SLC12A1: variants seen among roughly 807,000 people sequenced by gnomAD.
SLC12A1 encodes Na-K-2Cl cotransporter.
SLC12A1 carries 89 observed loss-of-function variants against 130.4 expected under a neutral mutation model. The ratio of observed to expected loss-of-function variants is 0.68; its 90% CI spans 0.58 to 0.81. The LOEUF is 0.81. SLC12A1 is among the 40% of genes least tolerant of loss of function. The pLI is 0.00. For synonymous variants in SLC12A1, 499 were observed against 460.0 expected (o/e 1.08, Z -1.09); for missense variants, 1,310 against 1,336.4 (o/e 0.98, Z 0.31).
chr15:48,298,658 T>A (rs548310005), intron 24 of SLC12A1, among the ~76,000 whole-genome samples: 7 of 152,234 alleles, frequency 4.6e-5, no homozygotes. Context: ...CTGCCATGAG[T>A]GGGAGTTGCC....
intron 9 of SLC12A1, among the ~76,000 whole-genome samples, chr15:48,240,377 T>G (rs1441093364): frequency 6.6e-6 from 1 of 151,976 alleles, no homozygotes; most frequent in Non-Finnish European, 1.5e-5. Context: ...AGTATGTACA[T>G]GTCAGAACAA....
At chr15:48,289,292 T>C (rs1242948576) in intron 23 of SLC12A1, among the ~76,000 whole-genome samples, 33 of 150,722 alleles carry the variant, frequency 2.2e-4, no homozygotes, top group Admixed American at 2.2e-3. Context: ...GAGCCCTTCC[T>C]GGAACCAGCA....
At chr15:48,258,109 C>G (rs2041729146) in intron 16 of SLC12A1, among the ~76,000 whole-genome samples, 1 of 70,610 alleles carries the variant, frequency 1.4e-5, no homozygotes, top group Admixed American at 1.3e-4. Context: ...CGCCTGTAAT[C>G]CCAGCACTTT....
At chr15:48,301,288 C>T in intron 25 of SLC12A1, 27 bp from the exon 26 acceptor site, 1 of 1,530,674 alleles carries the variant, frequency 6.5e-7, no homozygotes, top group Non-Finnish European at 9.0e-7. Context: ...TAGAACTGTA[C>T]TCAACAAATC....
chr15:48,237,514 C>T (rs1045550988), intron 9 of SLC12A1, among the ~76,000 whole-genome samples: 2 of 152,150 alleles, frequency 1.3e-5, no homozygotes, highest in African/African-American at 4.8e-5. Context: ...GCAGCCTCTA[C>T]TGAGAAATCC....
Position 48,240,014 on chromosome 15 carries a change from TATATATATATATATCC to T in SLC12A1, c.1216-1486_1216-1471del, listed in dbSNP as rs1345025659. Among the ~76,000 whole-genome samples, 603 of 84,522 alleles carry T rather than the reference TATATATATATATATCC, an allele frequency of 7.1e-3. 27 individuals carry two copies. The highest frequency in any genetic ancestry group is 0.026 in the African/African-American group (575 of 21,704). The allele number at this position is 84,522 out of a possible 152,430, so 55.4% of individuals were successfully genotyped here. A position where few individuals can be genotyped will look rare whatever the true frequency, so the allele number is the denominator to read the frequency against. On this transcript the variant is annotated intron_variant, in intron 9 of 26. Coordinates refer to ENST00000380993, the MANE Select transcript of SLC12A1 (RefSeq NM_000338.3). ...TCCATCTTCACATCTGTTATCCATATATATATATATATATCCATATATATATATATATATCCATATA... is the reference window on the plus strand; with the variant it reads ...TCCATCTTCACATCTGTTATCCATATATATATATATATATATATCCATATA...
chr15:48,256,731 T>C (rs539553601), intron 16 of SLC12A1, among the ~76,000 whole-genome samples: 1 of 151,112 alleles, frequency 6.6e-6, no homozygotes, highest in Non-Finnish European at 1.5e-5. Flanking sequence ...TCCCACTGGG[T>C]CCCTCCCACA....
intron 4 of SLC12A1, chr15:48,224,600 T>C (rs1249412332): frequency 1.3e-5 from 2 of 152,202 alleles, no homozygotes; most frequent in Non-Finnish European, 1.5e-5. Flanking sequence ...GCAAAGCTTG[T>C]TGTGTAGATG....
chr15:48,267,604 C>G lies in SLC12A1; in HGVS notation c.2198C>G (p.Ala733Gly). ...LCVKEMNSGM[A>G]KKQAWLIKNK... ...GTTAAGGAGATGAACAGTGGCATGG[C>G]GAAAAAACAGGCCTGGCTTATAAAG... Residue 733 changes from alanine to glycine, a missense_variant, in exon 18 of 27, where the codon GCG becomes GGG. Physicochemically the swap from Ala to Gly is moderately conservative, Grantham distance 60. Coordinates refer to ENST00000380993, the MANE Select transcript of SLC12A1 (RefSeq NM_000338.3). 6.2e-7 allele frequency: 1 copy of G among 1,613,392 alleles called. No individual in the cohort carries two copies. Among genetic ancestry groups the G allele is most frequent in the Non-Finnish European group, 8.5e-7 (1 of 1,179,552 alleles).
At chr15:48,231,644 G>A (rs2041379855) in intron 7 of SLC12A1, among the ~76,000 whole-genome samples, 1 of 152,076 alleles carries the variant, frequency 6.6e-6, no homozygotes, top group African/African-American at 2.4e-5. Flanking sequence ...TTTGTTGGTG[G>A]TATTATTTAC....
intron 13 of SLC12A1, among the ~76,000 whole-genome samples, chr15:48,249,131 A>G (rs2041618289): frequency 6.6e-6 from 1 of 152,208 alleles, no homozygotes; most frequent in Non-Finnish European, 1.5e-5. Flanking sequence ...AGAGTCCTGA[A>G]AATCAGAGAA....
chr15:48,226,415 C>A, intron 4 of SLC12A1, 61 bp from the exon 5 acceptor site: 1 of 1,036,294 alleles, frequency 9.6e-7, no homozygotes, highest in Non-Finnish European at 1.5e-6. Flanking sequence ...TAGTTTGCAG[C>A]AATAGGGAAT....
At chr15:48,233,825 T>C (rs1441911304) in intron 8 of SLC12A1, among the ~76,000 whole-genome samples, 3 of 152,184 alleles carry the variant, frequency 2.0e-5, no homozygotes, top group Admixed American at 2.0e-4. Flanking sequence ...TACCATATTT[T>C]TTCTTTAAGC....
At chr15:48,276,926 T>C (rs1430368607) in intron 20 of SLC12A1, among the ~76,000 whole-genome samples, 1 of 152,202 alleles carries the variant, frequency 6.6e-6, no homozygotes, top group Non-Finnish European at 1.5e-5. Context: ...AGCAGAAATG[T>C]ACAGTAAGAT....
chr15:48,248,390 T>A (rs2041608055), intron 13 of SLC12A1, among the ~76,000 whole-genome samples: 1 of 152,254 alleles, frequency 6.6e-6, no homozygotes, highest in South Asian at 2.1e-4. Flanking sequence ...GCCTCTAAGA[T>A]CTCAAATCAT....
intron 19 of SLC12A1, among the ~76,000 whole-genome samples, chr15:48,273,469 G>A (rs186777347): frequency 2.0e-5 from 3 of 152,288 alleles, no homozygotes; most frequent in Admixed American, 2.0e-4. Context: ...GCCATGTAAG[G>A]AAGTACACTC....
At chr15:48,263,945 G>T (rs574553803) in intron 17 of SLC12A1, among the ~76,000 whole-genome samples, 1 of 151,956 alleles carries the variant, frequency 6.6e-6, no homozygotes, top group African/African-American at 2.4e-5. Flanking sequence ...TGCCCTCCTC[G>T]ACCTCCCAAA....
chr15:48,207,862 C>T lies in SLC12A1; in HGVS notation c.143C>T (p.Thr48Ile). Reference sequence around the variant, plus strand: ...ACTGACCCACCACATTATGAAGAAACCTCTTTTGGGGATGAAGCTCAGAAA... The same window carrying T: ...ACTGACCCACCACATTATGAAGAAATCTCTTTTGGGGATGAAGCTCAGAAA... ...DNTDPPHYEE[T>I]SFGDEAQKRL... is the part of the protein sequence containing the mutation. Residue 48 changes from threonine (T) to isoleucine (I), a missense_variant, in exon 2 of 27, where the codon ACC (threonine) becomes ATC (isoleucine). Coordinates refer to ENST00000380993, the MANE Select transcript of SLC12A1 (RefSeq NM_000338.3). 3 of 1,613,956 alleles carry T rather than the reference C, an allele frequency of 1.9e-6. No homozygotes were observed. Among genetic ancestry groups the T allele is most frequent in the Non-Finnish European group, 8.5e-7 (1 of 1,179,882 alleles).
In SLC12A1 at chr15:48,299,044, G is replaced by C. The variant is rs35874991; in HGVS notation, c.2961-96G>C. On this transcript the variant is annotated intron_variant, in intron 24 of 26. Coordinates refer to ENST00000380993, the MANE Select transcript of SLC12A1 (RefSeq NM_000338.3). ...AAAGATTTGCATGATATTCAGCTCT[G>C]ATTCCACAGCCAGCAGAGCCAGTCA... The C allele has an allele frequency of 3.3e-4, 356 of 1,076,470 alleles. 1 individual carries two copies. The African/African-American group carries it at 5.5e-3, about 17-fold the overall frequency. 66.7% of individuals were successfully genotyped at this position (1,076,470 alleles called of 1,614,324 possible).
Sources: allele counts gnomAD v4.1 joint callset (sites outside exome capture counted in the v4.1 genomes callset), GRCh38; gene constraint gnomAD v4.1.1; transcripts MANE v1.5; gene names NCBI Gene and HGNC (gene_info 2026-07-23, HGNC 2026-07-21).